PPP2R1B: variants seen among roughly 807,000 people sequenced by gnomAD.
PPP2R1B encodes serine/threonine-protein phosphatase 2A 65 kDa regulatory subunit A beta isoform.
A neutral mutation model predicts 72.7 loss-of-function variants in PPP2R1B; 58 were observed. The ratio of observed to expected loss-of-function variants is 0.80; its 90% CI spans 0.65 to 0.99. The LOEUF (loss-of-function observed/expected upper bound fraction) is 0.99. Ranked by LOEUF, PPP2R1B falls within the 50% of genes least tolerant of loss-of-function variation. The pLI is 0.00. For missense variants in PPP2R1B, 695 were observed against 733.6 expected, an observed-to-expected ratio of 0.95 and a Z score of 0.61; for synonymous variants, 256 against 264.6, an observed-to-expected ratio of 0.97 and a Z score of 0.32.
Position 111,760,990 on chromosome 11 carries a change from GA to G in PPP2R1B, c.367del (p.Ser123ProfsTer2). On this transcript the variant is annotated frameshift_variant, in exon 4 of 15. Coordinates refer to ENST00000527614, the MANE Select transcript of PPP2R1B (RefSeq NM_002716.5). LOFTEE classifies it high-confidence loss of function. ...ETVVRDKAVE[S>X]LRQISQEHTP... ...ATGCTCCTGGGAGATCTGTCTCAGG[GA>G]CTCCACAGCCTTGTCACGAACAACA... 6.2e-7 allele frequency: 1 copy of G among 1,614,182 alleles called. No individual in the cohort carries two copies.
chr11:111,747,651 G>C (rs1403500322), intron 11 of PPP2R1B, among the ~76,000 whole-genome samples: 2 of 152,206 alleles, frequency 1.3e-5, no homozygotes, highest in Non-Finnish European at 2.9e-5. Context: ...TGGTCAAAAA[G>C]AGGATCTTCA....
chr11:111,731,992 G>A (rs1294148583), intron 15 of PPP2R1B, among the ~76,000 whole-genome samples: 1 of 152,188 alleles, frequency 6.6e-6, no homozygotes, highest in East Asian at 1.9e-4. Flanking sequence ...GCACTCCCCA[G>A]GACACTCTTC....
At chr11:111,761,943 G>T (rs1185487571) in intron 3 of PPP2R1B, among the ~76,000 whole-genome samples, 1 of 152,098 alleles carries the variant, frequency 6.6e-6, no homozygotes, top group East Asian at 1.9e-4. Flanking sequence ...CTGGGTGACA[G>T]AGTGAGGCTC....
At chr11:111,724,290 G>T (rs569014229), downstream of PPP2R1B, 2 of 1,043,578 alleles carry the variant, frequency 1.9e-6, no homozygotes, top group Admixed American at 2.9e-5. Context: ...GGTGGATGTT[G>T]CTTCCTCCTG....
At chr11:111,704,439 G>A in the PPP2R1B span, among the ~76,000 whole-genome samples, 1 of 152,182 alleles carries the variant, frequency 6.6e-6, no homozygotes, top group African/African-American at 2.4e-5. Flanking sequence ...GGGTGGGACT[G>A]CAAAAACAAG....
At chr11:111,688,048 A>T in the PPP2R1B span, 1 of 1,614,216 alleles carries the variant, frequency 6.2e-7, no homozygotes, top group Non-Finnish European at 8.5e-7. This position sits in a 1 kb window ranked among gnomAD's most constrained non-coding sequence, Gnocchi z 4.2. Flanking sequence ...AGCCAGGCGA[A>T]AATTCTGGCA....
chr11:111,727,042 A>G, exon 16 of PPP2R1B: 1 of 1,614,014 alleles, frequency 6.2e-7, no homozygotes, highest in Non-Finnish European at 8.5e-7. Flanking sequence ...TCTCCACGCA[A>G]CTGATACACT....
downstream of PPP2R1B, chr11:111,726,189 T>C (rs1235610377): frequency 1.3e-5 from 2 of 152,194 alleles, no homozygotes; most frequent in Non-Finnish European, 2.9e-5. Flanking sequence ...ATATTTGCGA[T>C]ATTAAAATGC....
chr11:111,689,710 G>A, the PPP2R1B span, among the ~76,000 whole-genome samples: 2 of 152,158 alleles, frequency 1.3e-5, no homozygotes, highest in Admixed American at 6.5e-5. Context: ...TCCTCGGTTT[G>A]CTGTATATGG....
intron 3 of PPP2R1B, among the ~76,000 whole-genome samples, chr11:111,764,215 T>C (rs1330899324): frequency 1.4e-5 from 2 of 142,784 alleles, no homozygotes; most frequent in African/African-American, 5.1e-5. Context: ...TTTGGTGGTC[T>C]TTTTTTTTTT....
chr11:111,750,330 C>T (rs1017473604), intron 10 of PPP2R1B, among the ~76,000 whole-genome samples: 1 of 152,152 alleles, frequency 6.6e-6, no homozygotes, highest in East Asian at 1.9e-4. Flanking sequence ...TAAACTGACA[C>T]ATCTTTCTCA....
chr11:111,711,174 A>G, the PPP2R1B span, among the ~76,000 whole-genome samples: 1 of 150,762 alleles, frequency 6.6e-6, no homozygotes, highest in Non-Finnish European at 1.5e-5. Flanking sequence ...GCTGGAGTGC[A>G]GTGGCGGGAT....
chr11:111,694,161 C>T, the PPP2R1B span, among the ~76,000 whole-genome samples: 2 of 152,104 alleles, frequency 1.3e-5, no homozygotes, highest in Non-Finnish European at 2.9e-5. Flanking sequence ...TATTTGTATT[C>T]AATGTATAAT....
downstream of PPP2R1B, chr11:111,725,276 T>A (rs1033450546): frequency 2.4e-4 from 37 of 152,774 alleles, no homozygotes; most frequent in Non-Finnish European, 2.9e-5. Context: ...TTTTCCACCA[T>A]GTGGGAATCA....
chr11:111,752,546 A>G (rs1399450594), intron 9 of PPP2R1B, among the ~76,000 whole-genome samples: 2 of 152,264 alleles, frequency 1.3e-5, no homozygotes, highest in Non-Finnish European at 2.9e-5. Context: ...TAAAGACTAC[A>G]AGAAAAGTCC....
chr11:111,750,054 A>T (rs782066070), intron 10 of PPP2R1B, among the ~76,000 whole-genome samples: 6 of 152,230 alleles, frequency 3.9e-5, no homozygotes, highest in Non-Finnish European at 8.8e-5. Flanking sequence ...ACAGACAAAA[A>T]GGATGACAAA....
intron 11 of PPP2R1B, among the ~76,000 whole-genome samples, chr11:111,746,478 G>A (rs779149588): frequency 6.6e-6 from 1 of 152,168 alleles, no homozygotes; most frequent in Non-Finnish European, 1.5e-5. Context: ...CTATCAGGGG[G>A]TGAGGGGCGA....
Position 111,753,424 on chromosome 11 carries a change from A to T in PPP2R1B, c.1164+19T>A. 6.2e-7 allele frequency: 1 copy of T among 1,605,016 alleles called. No homozygotes were observed. Among genetic ancestry groups the T allele is most frequent in the Non-Finnish European group, 8.5e-7 (1 of 1,177,570 alleles). The stretch of plus-strand genomic sequence containing the variant: ...ATCAAATTACTATCAAAGGCAACAG[A>T]ACATAAAGCAAGACCCACCTCATCC... On this transcript the variant is annotated intron_variant, in intron 9 of 14. Coordinates refer to ENST00000527614, the MANE Select transcript of PPP2R1B (RefSeq NM_002716.5).
chr11:111,739,168 A>C lies in PPP2R1B; in HGVS notation c.*2428T>G. 1.0e-6 allele frequency: 1 copy of C among 985,304 alleles called. No homozygotes were observed. The highest frequency in any genetic ancestry group is 1.2e-6 in the Non-Finnish European group (1 of 829,870). 61.0% of individuals were successfully genotyped at this position (985,304 alleles called of 1,614,324 possible). ...ATGCACACATTGGAGGATATTTTAG[A>C]AATTCATCCATTGAACACATTTTTA... On this transcript the variant is annotated 3_prime_UTR_variant, in exon 15 of 15. Transcript: ENST00000527614.
Sources: allele counts gnomAD v4.1 joint callset (sites outside exome capture counted in the v4.1 genomes callset), GRCh38; gene constraint gnomAD v4.1.1; non-coding constraint Gnocchi (gnomAD v3.1); transcripts MANE v1.5; gene names NCBI Gene and HGNC (gene_info 2026-07-23, HGNC 2026-07-21).